ZNF804A: variants seen among roughly 807,000 people sequenced by gnomAD.
ZNF804A encodes zinc finger protein 804A.
Under a neutral mutation model 16.5 loss-of-function variants are expected in ZNF804A, and 2 were observed. The ratio of observed to expected loss-of-function variants is 0.12; its 90% CI spans 0.05 to 0.38. The LOEUF is 0.38. Ranked by LOEUF, ZNF804A falls within the 10% of genes least tolerant of loss-of-function variation. ZNF804A has a pLI of 0.99. For missense variants in ZNF804A, 1,473 were observed against 1,390.7 expected, an observed-to-expected ratio of 1.06 and a Z score of -0.94; for synonymous variants, 534 against 489.6, an observed-to-expected ratio of 1.09 and a Z score of -1.20.
chr2:184,885,195 TCTAGCAAGGTTG>T (rs1433060230), intron 2 of ZNF804A, among the ~76,000 whole-genome samples: 4 of 152,016 alleles, frequency 2.6e-5, no homozygotes, highest in Non-Finnish European at 5.9e-5. Flanking sequence ...AACGACAGGC[TCTAGCAAGGTTG>T]CTGAAAAAAG....
At chr2:184,718,438 G>C (rs180792801) in intron 1 of ZNF804A, among the ~76,000 whole-genome samples, 35 of 152,110 alleles carry the variant, frequency 2.3e-4, no homozygotes, top group African/African-American at 7.5e-4. Context: ...ACTCATTTCA[G>C]CATTAACTCA....
intron 1 of ZNF804A, among the ~76,000 whole-genome samples, chr2:184,612,469 G>T (rs1691254346): frequency 6.8e-6 from 1 of 147,756 alleles, no homozygotes; most frequent in African/African-American, 2.5e-5. Flanking sequence ...ACGGAGTCTT[G>T]CTCTTGTTGC....
chr2:184,909,017 A>G (rs1008637014), intron 2 of ZNF804A, among the ~76,000 whole-genome samples: 3 of 152,100 alleles, frequency 2.0e-5, no homozygotes, highest in Admixed American at 1.3e-4. Context: ...TTTTTCTTAC[A>G]GTTTCATAAG....
At chr2:184,909,823 A>G (rs1253818668) in intron 2 of ZNF804A, among the ~76,000 whole-genome samples, 6 of 152,048 alleles carry the variant, frequency 3.9e-5, no homozygotes, top group Admixed American at 3.9e-4. Flanking sequence ...TGTGTTTTAC[A>G]TATGTGCTAT....
Position 184,939,036 on chromosome 2 carries a change from T to C in ZNF804A, c.*10T>C. 1 of 1,607,662 alleles carries C rather than the reference T, an allele frequency of 6.2e-7. No homozygotes were observed. The highest frequency in any genetic ancestry group is 8.5e-7 in the Non-Finnish European group (1 of 1,175,732). On this transcript the variant is annotated 3_prime_UTR_variant, in exon 4 of 4. Transcript: ENST00000302277. ...GCAACCTCTCTTCTAGTCATCACCA[T>C]AATGGGAAAAAAATACTCTTGTGAA... is the stretch of plus-strand genomic sequence containing the variant.
At chr2:184,724,146 G>A (rs1423492716) in intron 1 of ZNF804A, among the ~76,000 whole-genome samples, 2 of 151,534 alleles carry the variant, frequency 1.3e-5, no homozygotes, top group African/African-American at 2.4e-5. Context: ...CTATGCACCA[G>A]GAAAAGGCCA....
chr2:184,654,058 G>A (rs1261482034), intron 1 of ZNF804A, among the ~76,000 whole-genome samples: 1 of 152,176 alleles, frequency 6.6e-6, no homozygotes, highest in African/African-American at 2.4e-5. Context: ...ATGGTCATCT[G>A]ACATTCCTGG....
chr2:184,739,457 G>A (rs540099373), intron 1 of ZNF804A, among the ~76,000 whole-genome samples: 6 of 152,232 alleles, frequency 3.9e-5, no homozygotes, highest in South Asian at 4.1e-4. Context: ...GCAGTGGCAC[G>A]GTCGTGGCTC....
chr2:184,743,192 T>C (rs1248086204), intron 1 of ZNF804A, among the ~76,000 whole-genome samples: 1 of 152,004 alleles, frequency 6.6e-6, no homozygotes, highest in Admixed American at 6.6e-5. Flanking sequence ...TTTCCAATCT[T>C]TCCTAGTGCA....
At position 184,935,858 on chromosome 2, in the gene ZNF804A, A is replaced by G. The variant is rs112999451; in HGVS notation, c.462A>G (p.Arg154=). 1.9e-5 allele frequency: 31 copies of G among 1,613,618 alleles called. No homozygotes were observed. Among genetic ancestry groups the G allele is most frequent in the African/African-American group, 2.7e-5 (2 of 74,880 alleles). Residue 154 remains arginine, a synonymous_variant, in exon 4 of 4, where the codon CGA becomes CGG. Coordinates refer to ENST00000302277, the MANE Select transcript of ZNF804A (RefSeq NM_194250.2). ...VRENCNEISQ[R]VVVDSVNNQQ... ...AAAACTGTAATGAAATTTCCCAACG[A>G]GTTGTTGTGGATTCAGTTAATAACC...
intron 1 of ZNF804A, among the ~76,000 whole-genome samples, chr2:184,734,873 G>A (rs1188677143): frequency 1.3e-5 from 2 of 152,178 alleles, no homozygotes; most frequent in South Asian, 4.2e-4. Flanking sequence ...ATTAATGATT[G>A]TTATGTCTTC....
chr2:184,669,289 T>C (rs1224112522), intron 1 of ZNF804A, among the ~76,000 whole-genome samples: 1 of 152,090 alleles, frequency 6.6e-6, no homozygotes, highest in African/African-American at 2.4e-5. Flanking sequence ...AGCTGACATA[T>C]AAAGTACTTC....
At chr2:184,824,806 T>A (rs1172551915) in intron 1 of ZNF804A, among the ~76,000 whole-genome samples, 1 of 152,136 alleles carries the variant, frequency 6.6e-6, no homozygotes, top group East Asian at 1.9e-4. Flanking sequence ...TAGGAGCTCA[T>A]GCTGGGACTG....
intron 1 of ZNF804A, among the ~76,000 whole-genome samples, chr2:184,721,800 C>T (rs532505537): frequency 1.1e-3 from 169 of 152,112 alleles, no homozygotes; most frequent in Admixed American, 1.8e-3. Context: ...CATGTCTTTT[C>T]CAGTACTATT....
intron 1 of ZNF804A, among the ~76,000 whole-genome samples, chr2:184,798,035 TGTG>T (rs1694663563): frequency 6.7e-6 from 1 of 150,366 alleles, no homozygotes; most frequent in African/African-American, 2.5e-5. Context: ...TGTGTGTGTG[TGTG>T]TGTGTGTGTG....
intron 1 of ZNF804A, among the ~76,000 whole-genome samples, chr2:184,615,503 T>C (rs958344408): frequency 6.6e-6 from 1 of 152,182 alleles, no homozygotes; most frequent in Admixed American, 6.5e-5. Flanking sequence ...ATAACTTATA[T>C]GGTAACTCTG....
At chr2:184,747,963 G>A (rs1693818218) in intron 1 of ZNF804A, among the ~76,000 whole-genome samples, 1 of 151,470 alleles carries the variant, frequency 6.6e-6, no homozygotes, top group South Asian at 2.1e-4. Flanking sequence ...CTCCATCCAT[G>A]TTACTGCAAA....
intron 2 of ZNF804A, among the ~76,000 whole-genome samples, chr2:184,910,336 G>T (rs1559000031): frequency 6.6e-6 from 1 of 151,928 alleles, no homozygotes; most frequent in Non-Finnish European, 1.5e-5. Flanking sequence ...AGTATTCCAT[G>T]GTATAAATAT....
At chr2:184,862,101 C>A (rs533200986) in intron 1 of ZNF804A, among the ~76,000 whole-genome samples, 2 of 152,156 alleles carry the variant, frequency 1.3e-5, no homozygotes, top group East Asian at 3.9e-4. Context: ...ATGGCTTTAC[C>A]AGATAGAGGG....
Sources: allele counts gnomAD v4.1 joint callset (sites outside exome capture counted in the v4.1 genomes callset), GRCh38; gene constraint gnomAD v4.1.1; transcripts MANE v1.5; gene names NCBI Gene and HGNC (gene_info 2026-07-23, HGNC 2026-07-21).